The following HSD3B1 variants were observed in gnomAD, a reference collection of about 807,000 sequenced individuals.
HSD3B1 encodes the protein hydroxy-delta-5-steroid dehydrogenase, 3 beta- and steroid delta-isomerase 1.
In HSD3B1, 11 loss-of-function variants were observed where a neutral mutation model predicts 10.4. That is an observed-to-expected ratio of 1.05 (90% CI 0.66 to 1.75). The LOEUF is 1.75. HSD3B1 is among the 40% of genes most tolerant of loss of function. The probability of loss-of-function intolerance (pLI) is 0.00; values close to 1 mark genes in which losing one functional copy is unlikely to be tolerated. For synonymous variants in HSD3B1, 217 were observed against 185.4 expected, an observed-to-expected ratio of 1.17 and a Z score of -1.39; for missense variants, 490 against 454.5, an observed-to-expected ratio of 1.08 and a Z score of -0.71.
chr1:119,514,613 C>T lies in HSD3B1; in HGVS notation c.1090C>T (p.His364Tyr), dbSNP rs1484943796. ...GTGGGTTGGTTCCCTTGTGGACCGG[C>T]ACAAGGAGACCCTGAAGTCCAAGAC... The part of the protein sequence containing the change: ...VEWVGSLVDR[H>Y]KETLKSKTQ The change falls in exon 4 of 4, where the codon CAC becomes TAC. Residue 364 changes from histidine (H) to tyrosine (Y), a missense_variant. His to Tyr is a moderately conservative substitution (Grantham distance 83). Transcript: ENST00000369413. 4.3e-6 allele frequency: 7 copies of T among 1,613,666 alleles called. No individual in the cohort carries two copies.
intron 3 of HSD3B1, among the ~76,000 whole-genome samples, chr1:119,513,292 T>G (rs1653989357): frequency 6.6e-6 from 1 of 152,112 alleles, no homozygotes; most frequent in Non-Finnish European, 1.5e-5. Context: ...AAAGTTTTAT[T>G]AGAGCCCAGC....
intron 2 of HSD3B1, chr1:119,508,152 A>G (rs1653841455): frequency 6.9e-6 from 1 of 144,908 alleles, no homozygotes; most frequent in Non-Finnish European, 1.4e-5. Flanking sequence ...GAGGAAAACA[A>G]TAAGGGGGAG....
rs962978657 is a variant in HSD3B1, at chr1:119,510,717, C to CTTTTTTTTTTTTTTTTTTTTTTTTTT, written c.146-774_146-749dup. On this transcript the variant is annotated intron_variant, in intron 2 of 3. Coordinates refer to ENST00000369413, the MANE Select transcript of HSD3B1 (RefSeq NM_000862.3). The stretch of plus-strand genomic sequence containing the variant: ...TTTTTGTTGTTGCTTGTGTGGTTTT[C>CTTTTTTTTTTTTTTTTTTTTTTTTTT]TTTTTTTTTTTTTTTTTTTTTTTTT... Among the ~76,000 whole-genome samples the CTTTTTTTTTTTTTTTTTTTTTTTTTT allele has an allele frequency of 1.1e-4, 6 of 54,170 alleles. 3 individuals are homozygous for CTTTTTTTTTTTTTTTTTTTTTTTTTT. The highest frequency in any genetic ancestry group is 1.1e-3 in the East Asian group (2 of 1,740). 35.5% of individuals were successfully genotyped at this position (54,170 alleles called of 152,430 possible). A position where few individuals can be genotyped will look rare whatever the true frequency, so the allele number is the denominator to read the frequency against.
Position 119,511,558 on chromosome 1 carries a change from A to C in HSD3B1, c.201A>C (p.Pro67=). 6.2e-7 allele frequency: 1 copy of C among 1,613,798 alleles called. No homozygotes were observed. The highest frequency in any genetic ancestry group is 8.5e-7 in the Non-Finnish European group (1 of 1,179,776). The change falls in exon 3 of 4, where the codon CCA becomes CCC. Residue 67 remains proline (P), a synonymous_variant. Transcript: ENST00000369413. ...TGGAAGGAGACATTCTGGATGAGCC[A>C]TTCCTGAAGAGAGCCTGCCAGGACG... The part of the protein sequence containing the change: ...TVLEGDILDE[P]FLKRACQDVS...
intron 2 of HSD3B1, among the ~76,000 whole-genome samples, chr1:119,510,370 A>G (rs941032207): frequency 1.1e-4 from 16 of 152,302 alleles, no homozygotes; most frequent in African/African-American, 3.8e-4. Context: ...CCCACCCACA[A>G]TTCCTGAGTA....
chr1:119,507,263 G>C lies in HSD3B1; in HGVS notation c.-86+1G>C. 4 of 551,286 alleles carry C rather than the reference G, an allele frequency of 7.3e-6. No homozygotes were observed. Among genetic ancestry groups the C allele is most frequent in the Non-Finnish European group, 1.3e-5 (4 of 306,854 alleles). 34.1% of individuals were successfully genotyped at this position (551,286 alleles called of 1,614,324 possible). ...CCAGCTTTTAACAATCTAACTAATG[G>C]TTAGAGATTTTTCATTTTCTTTCAG... On this transcript the variant is annotated splice_donor_variant, in intron 1 of 3. Transcript: ENST00000369413. LOFTEE classifies it low-confidence loss of function (5UTR_SPLICE).
chr1:119,514,820 G>A lies in HSD3B1; in HGVS notation c.*175G>A. ...GTCATCAAAACCTGCGCAGTCATTG[G>A]CCCAACAAGAAGGTTTCTGTCCTAA... On this transcript the variant is annotated 3_prime_UTR_variant, in exon 4 of 4. Transcript: ENST00000369413. 2 of 705,572 alleles carry A rather than the reference G, an allele frequency of 2.8e-6. No individual in the cohort carries two copies. Among genetic ancestry groups the A allele is most frequent in the Non-Finnish European group, 4.9e-6 (2 of 411,586 alleles). 43.7% of individuals were successfully genotyped at this position (705,572 alleles called of 1,614,324 possible).
At chr1:119,510,473 C>T (rs1228594527) in intron 2 of HSD3B1, among the ~76,000 whole-genome samples, 2 of 152,020 alleles carry the variant, frequency 1.3e-5, no homozygotes, top group African/African-American at 4.8e-5. Flanking sequence ...CAATAGGTAC[C>T]AGGACCTTCA....
At chr1:119,508,894 T>A (rs1653865467) in intron 2 of HSD3B1, among the ~76,000 whole-genome samples, 1 of 152,234 alleles carries the variant, frequency 6.6e-6, no homozygotes, top group Non-Finnish European at 1.5e-5. Flanking sequence ...GATAAACAAA[T>A]ATGAAATGCT....
In HSD3B1 at chr1:119,511,625, G is replaced by A. The variant is rs6684974; in HGVS notation, c.268G>A (p.Gly90Ser). 2.6e-4 allele frequency: 423 copies of A among 1,609,628 alleles called. 1 individual carries two copies. In the African/African-American group the frequency reaches 4.7e-3, roughly 18 times the overall value. ...IHTACIIDVF[G>S]VTHRESIMNV... ...CACCGCCTGTATCATTGATGTCTTC[G>A]GTGTCACTCACAGAGAGTCTATCAT... The change falls in exon 3 of 4, where the codon GGT (glycine) becomes AGT (serine). Residue 90 changes from glycine to serine, a missense_variant. Gly to Ser is a moderately conservative substitution (Grantham distance 56). Coordinates refer to ENST00000369413, the MANE Select transcript of HSD3B1 (RefSeq NM_000862.3).
chr1:119,508,717 A>G (rs587681836), intron 2 of HSD3B1, among the ~76,000 whole-genome samples: 1 of 152,218 alleles, frequency 6.6e-6, no homozygotes, highest in Admixed American at 6.5e-5. Context: ...GATTTGGGGG[A>G]CTGTGTGTCT....
At chr1:119,509,532 G>A (rs1020368417) in intron 2 of HSD3B1, among the ~76,000 whole-genome samples, 5 of 152,272 alleles carry the variant, frequency 3.3e-5, no homozygotes, top group East Asian at 3.9e-4. Context: ...GTCTGAAGTG[G>A]CAGCAAAGAA....
Position 119,513,867 on chromosome 1 carries a change from C to T in HSD3B1, c.344C>T (p.Ala115Val), listed in dbSNP as rs1354240517. The T allele has an allele frequency of 1.2e-6, 2 of 1,613,682 alleles. No homozygotes were observed. The highest frequency in any genetic ancestry group is 1.1e-5 in the South Asian group (1 of 91,028). ...TQLLLEACVQ[A>V]SVPVFIYTSS... ...CTCCTGTTAGAGGCCTGTGTCCAAGCTAGTGTGCCAGTCTTCATCTACACC... is the reference window on the plus strand; with the variant it reads ...CTCCTGTTAGAGGCCTGTGTCCAAGTTAGTGTGCCAGTCTTCATCTACACC... Residue 115 changes from alanine (A) to valine (V), a missense_variant, in exon 4 of 4, where the codon GCT becomes GTT. By Grantham distance (64) the Ala-to-Val change is moderately conservative. Coordinates refer to ENST00000369413, the MANE Select transcript of HSD3B1 (RefSeq NM_000862.3).
Position 119,514,705 on chromosome 1 carries a change from C to T in HSD3B1, c.*60C>T. On this transcript the variant is annotated 3_prime_UTR_variant, in exon 4 of 4. Coordinates refer to ENST00000369413, the MANE Select transcript of HSD3B1 (RefSeq NM_000862.3). ...TTAGGAGATGTCATCAAGCTCCACC[C>T]TCCTGGCCTCATACAGAAAGTGACA... is the stretch of plus-strand genomic sequence containing the variant. The T allele has an allele frequency of 1.9e-6, 3 of 1,565,868 alleles. No individual in the cohort carries two copies. Among genetic ancestry groups the T allele is most frequent in the Non-Finnish European group, 2.6e-6 (3 of 1,147,454 alleles).
At chr1:119,513,517 C>A (rs751775504) in intron 3 of HSD3B1, among the ~76,000 whole-genome samples, 1 of 151,974 alleles carries the variant, frequency 6.6e-6, no homozygotes, top group Admixed American at 6.6e-5. Context: ...TTTGTCAATA[C>A]CCTTACTTGG....
intron 1 of HSD3B1, 55 bp downstream of exon 1, chr1:119,507,317 T>G: frequency 1.5e-6 from 1 of 672,452 alleles, no homozygotes; most frequent in East Asian, 2.8e-5. Context: ...GGACACAGAA[T>G]GTTTGCAAAA....
At position 119,514,437 on chromosome 1, in the gene HSD3B1, T is replaced by C; in HGVS notation, c.914T>C (p.Leu305Pro). ...GFLLEIVSFL[L>P]RPIYTYRPPF... ...CTGCTGGAAATAGTGAGCTTCCTAC[T>C]CAGGCCAATTTACACCTATCGACCG... The change falls in exon 4 of 4, where the codon CTC becomes CCC. Residue 305 changes from leucine (L) to proline (P), a missense_variant. Physicochemically the swap from Leu to Pro is moderately conservative, Grantham distance 98. Transcript: ENST00000369413. 1 of 1,614,166 alleles carries C rather than the reference T, an allele frequency of 6.2e-7. No homozygotes were observed. The highest frequency in any genetic ancestry group is 1.1e-5 in the South Asian group (1 of 91,086).
rs587648014 is a variant in HSD3B1 at position 119,512,817 on chromosome 1, C to T, written c.311-1017C>T. Among the ~76,000 whole-genome samples, 5 of 152,314 alleles carry T rather than the reference C, an allele frequency of 3.3e-5. No individual in the cohort carries two copies. The South Asian group carries it at 1.0e-3, about 32-fold the overall frequency. ...TTTCCCCCTTGAAGGTAAACTAACT[C>T]CAAATTTTCTCTGCCACAAGATTAA... On this transcript the variant is annotated intron_variant, in intron 3 of 3. Coordinates refer to ENST00000369413, the MANE Select transcript of HSD3B1 (RefSeq NM_000862.3).
chr1:119,508,847 T>C (rs1457397684), intron 2 of HSD3B1, among the ~76,000 whole-genome samples: 1 of 152,244 alleles, frequency 6.6e-6, no homozygotes, highest in Non-Finnish European at 1.5e-5. Context: ...TCTTGAAATG[T>C]TCGATTTCTT....
Sources: gnomAD v4.1 joint callset for allele counts (sites outside exome capture counted in the v4.1 genomes callset) on GRCh38, gnomAD v4.1.1 for gene constraint, MANE v1.5 for transcripts, NCBI Gene and HGNC (gene_info 2026-07-23, HGNC 2026-07-21) for gene names.